The following BLTP1 variants were observed in gnomAD, a reference collection of about 807,000 sequenced individuals.
The protein encoded by BLTP1 is fragile site-associated protein.
the BLTP1 span, chr4:122,261,540 AT>A: frequency 5.1e-6 from 5 of 983,356 alleles, no homozygotes; most frequent in Non-Finnish European, 6.0e-6. Flanking sequence ...GTAATTTTTA[AT>A]TTTTTTTCAT....
chr4:122,264,190 A>G, the BLTP1 span: 6 of 1,472,058 alleles, frequency 4.1e-6, no homozygotes, highest in East Asian at 9.6e-5. Flanking sequence ...CCTGCTGTAC[A>G]CTTTTATGTG....
At chr4:122,221,958 A>G in the BLTP1 span, 23 of 934,528 alleles carry the variant, frequency 2.5e-5, no homozygotes, top group Non-Finnish European at 2.9e-5. Flanking sequence ...CTGATTATGA[A>G]TGTTCACATT....
the BLTP1 span, chr4:122,192,231 C>A: frequency 1.2e-6 from 2 of 1,611,922 alleles, no homozygotes; most frequent in East Asian, 2.2e-5. Flanking sequence ...GAATATAGGA[C>A]TTGTTCCGGA....
At chr4:122,277,338 TAAAA>T in the BLTP1 span, among the ~76,000 whole-genome samples, 1 of 152,202 alleles carries the variant, frequency 6.6e-6, no homozygotes, top group South Asian at 2.1e-4. Flanking sequence ...GACCCCATCT[TAAAA>T]AACAAATAAT....
chr4:122,353,920 A>G, the BLTP1 span: 20 of 1,613,878 alleles, frequency 1.2e-5, no homozygotes, highest in Non-Finnish European at 1.6e-5. This position sits in a 1 kb window ranked among gnomAD's most constrained non-coding sequence, Gnocchi z 4.3. Context: ...CTATGGCAAC[A>G]ATAACCAAGA....
the BLTP1 span, among the ~76,000 whole-genome samples, chr4:122,272,960 A>G: frequency 2.6e-5 from 4 of 152,094 alleles, no homozygotes; most frequent in Non-Finnish European, 5.9e-5. Flanking sequence ...ATTGCCAGAT[A>G]TGGTCAGATG....
chr4:122,182,814 C>A, the BLTP1 span: 1 of 984,642 alleles, frequency 1.0e-6, no homozygotes, highest in Non-Finnish European at 1.2e-6. Flanking sequence ...AAGTAGCACT[C>A]ATTTCCCTCT....
chr4:122,187,615 G>A, the BLTP1 span: 3 of 1,226,430 alleles, frequency 2.4e-6, no homozygotes, highest in South Asian at 4.9e-5. Flanking sequence ...TAGTTTTGTG[G>A]AGTTTTTTTT....
the BLTP1 span, among the ~76,000 whole-genome samples, chr4:122,299,469 G>A: frequency 6.6e-6 from 1 of 152,184 alleles, no homozygotes; most frequent in East Asian, 1.9e-4. Context: ...AGCAGAGACA[G>A]TAGTAGTTTA....
chr4:122,348,922 G>A, the BLTP1 span: 7 of 536,500 alleles, frequency 1.3e-5, no homozygotes, highest in East Asian at 3.1e-5. Context: ...TCTATAAAAA[G>A]GGAATCAATT....
At chr4:122,244,518 AATAAT>A in the BLTP1 span, 3 of 283,730 alleles carry the variant, frequency 1.1e-5, no homozygotes, top group Non-Finnish European at 1.6e-5. Flanking sequence ...ATTATATTGC[AATAAT>A]ATAATAATAT....
the BLTP1 span, chr4:122,255,270 A>T: frequency 3.8e-6 from 6 of 1,597,714 alleles, no homozygotes; most frequent in East Asian, 1.3e-4. Context: ...TCCATCATTG[A>T]TGATGCTACA....
chr4:122,336,505 C>G, the BLTP1 span: 1 of 774,876 alleles, frequency 1.3e-6, no homozygotes, highest in Non-Finnish European at 1.8e-6. Flanking sequence ...GAGAGATCAT[C>G]TAATTGTCAT....
the BLTP1 span, among the ~76,000 whole-genome samples, chr4:122,297,448 T>G: frequency 1.3e-5 from 2 of 152,110 alleles, no homozygotes; most frequent in African/African-American, 4.8e-5. Flanking sequence ...GCTTTCACAT[T>G]GTTGGTGGGA....
the BLTP1 span, among the ~76,000 whole-genome samples, chr4:122,278,261 G>A: frequency 6.6e-6 from 1 of 152,156 alleles, no homozygotes; most frequent in Admixed American, 6.5e-5. Context: ...TTATTCCTTC[G>A]CTAATGAACA....
chr4:122,158,140 TTA>T, the BLTP1 span, among the ~76,000 whole-genome samples: 16 of 152,240 alleles, frequency 1.1e-4, no homozygotes, highest in African/African-American at 3.1e-4. Flanking sequence ...ATTTAGTGTT[TTA>T]GAGTATTTTA....
the BLTP1 span, chr4:122,340,842 T>C: frequency 2.2e-5 from 21 of 949,988 alleles, no homozygotes; most frequent in Non-Finnish European, 2.6e-5. Flanking sequence ...AAATGAAAAG[T>C]ACTAAAGGTG....
the BLTP1 span, chr4:122,356,841 A>G: frequency 6.6e-7 from 1 of 1,514,650 alleles, no homozygotes; most frequent in East Asian, 2.3e-5. Flanking sequence ...CTAATGAGAA[A>G]ATGAGTGGAA....
chr4:122,230,242 C>T, the BLTP1 span: 1 of 1,581,614 alleles, frequency 6.3e-7, no homozygotes, highest in Non-Finnish European at 8.7e-7. Flanking sequence ...TGGCAGTAGT[C>T]TCCTGTTCAG....
Sources: allele counts gnomAD v4.1 joint callset (sites outside exome capture counted in the v4.1 genomes callset), GRCh38; gene constraint gnomAD v4.1.1; non-coding constraint Gnocchi (gnomAD v3.1); transcripts MANE v1.5; gene names NCBI Gene and HGNC (gene_info 2026-07-23, HGNC 2026-07-21).